BRF1: variants seen among roughly 807,000 people sequenced by gnomAD.
BRF1 encodes BRF1 general transcription factor IIIB subunit.
In BRF1, 59 loss-of-function variants were observed where a neutral mutation model predicts 81.7. That is an observed-to-expected ratio of 0.72 (90% CI 0.59 to 0.90). BRF1 has a LOEUF of 0.90. Among genes scored for constraint, BRF1 ranks in the 40% least tolerant of loss-of-function variants. The pLI, the probability that BRF1 is intolerant of heterozygous loss-of-function variation, is 0.00. For missense variants in BRF1, 1,050 were observed against 936.3 expected, an observed-to-expected ratio of 1.12 and a Z score of -1.58; for synonymous variants, 491 against 395.6, an observed-to-expected ratio of 1.24 and a Z score of -2.86.
At chr14:105,251,029 T>C in intron 5 of BRF1, 1 of 254,314 alleles carries the variant, frequency 3.9e-6, no homozygotes, top group African/African-American at 2.2e-5. Flanking sequence ...TCCCTTCAAA[T>C]CTAAAATTGG....
intron 1 of BRF1, among the ~76,000 whole-genome samples, chr14:105,307,458 C>T (rs2058223261): frequency 1.3e-5 from 2 of 152,328 alleles, no homozygotes; most frequent in Non-Finnish European, 1.5e-5. Context: ...TTCACCCCCT[C>T]CCTGTCCTGA....
At chr14:105,274,505 G>A (rs2056797074) in intron 2 of BRF1, among the ~76,000 whole-genome samples, 3 of 152,198 alleles carry the variant, frequency 2.0e-5, no homozygotes, top group Non-Finnish European at 4.4e-5. Context: ...GCAGACCGGA[G>A]GCCACTGCGC....
intron 2 of BRF1, among the ~76,000 whole-genome samples, chr14:105,274,620 C>T (rs2056802892): frequency 6.6e-6 from 1 of 152,264 alleles, no homozygotes; most frequent in African/African-American, 2.4e-5. Context: ...CACATGATGG[C>T]ATCAGGAGGG....
chr14:105,229,361 A>G (rs587672261), intron 6 of BRF1, among the ~76,000 whole-genome samples: 26 of 152,328 alleles, frequency 1.7e-4, no homozygotes, highest in African/African-American at 5.1e-4. Context: ...CATGGAGATC[A>G]TGTGTGCAGA....
At chr14:105,268,511 A>C (rs908653414) in intron 3 of BRF1, among the ~76,000 whole-genome samples, 2 of 152,228 alleles carry the variant, frequency 1.3e-5, no homozygotes, top group African/African-American at 4.8e-5. Flanking sequence ...AGCCCCCGGC[A>C]CTTTCGGGGT....
intron 14 of BRF1, 43 bp downstream of exon 14, chr14:105,218,955 G>A (rs780101044): frequency 4.3e-6 from 7 of 1,612,438 alleles, no homozygotes; most frequent in South Asian, 1.1e-5. Context: ...CCCGTAACCT[G>A]GACACCCCCA....
chr14:105,291,149 C>A lies in BRF1; in HGVS notation c.185-4773G>T, dbSNP rs78190594. The stretch of plus-strand genomic sequence containing the variant: ...TGTGGGGCCTGGCCAAGACTGCCCC[C>A]CTGTGTACAGCAAGGGAGGACCTGC... On this transcript the variant is annotated intron_variant, in intron 1 of 17. Transcript: ENST00000547530. 6.7e-3 allele frequency among the ~76,000 whole-genome samples: 1,023 copies of A among 152,220 alleles called. 16 individuals carry two copies. The highest frequency in any genetic ancestry group is 0.024 in the African/African-American group (978 of 41,522).
chr14:105,229,468 C>A (rs989759200), intron 6 of BRF1, among the ~76,000 whole-genome samples: 1 of 152,198 alleles, frequency 6.6e-6, no homozygotes, highest in Non-Finnish European at 1.5e-5. Context: ...AGGGTAAGGG[C>A]CCGGATGAGG....
rs373945136 is a variant in BRF1 at position 105,225,795 on chromosome 14, G to A, written c.1048+274C>T. 5.9e-5 allele frequency among the ~76,000 whole-genome samples: 9 copies of A among 152,164 alleles called. No individual in the cohort carries two copies. The East Asian group carries it at 1.4e-3, about 23-fold the overall frequency. ...CCCATGGAGCTGGGACTACAGGTGC[G>A]CACCACCACGCCCAGCTAATTTTTG... On this transcript the variant is annotated intron_variant, in intron 10 of 17. Transcript: ENST00000547530.
At chr14:105,219,889 GAGA>G in intron 12 of BRF1, 177 bp downstream of exon 12, 1 of 688,072 alleles carries the variant, frequency 1.5e-6, no homozygotes, top group Non-Finnish European at 2.4e-6. Context: ...GCCGACACTG[GAGA>G]AGAGAGTGTG....
Position 105,268,258 on chromosome 14 carries a change from C to T in BRF1, c.439+4463G>A, listed in dbSNP as rs587742167. On this transcript the variant is annotated intron_variant, in intron 3 of 17. Transcript: ENST00000547530. ...GCACACTGGCCACAAACTACCTGCTCGACAATGGCAGAGGTGCTCATTCCA... is the reference window on the plus strand; with the variant it reads ...GCACACTGGCCACAAACTACCTGCTTGACAATGGCAGAGGTGCTCATTCCA... Among the ~76,000 whole-genome samples the T allele has an allele frequency of 1.2e-4, 19 of 152,386 alleles. 1 individual carries two copies. In the East Asian group the frequency reaches 3.7e-3, roughly 29 times the overall value.
At chr14:105,252,725 C>T in intron 4 of BRF1, 146 bp from the exon 5 acceptor site, 2 of 817,896 alleles carry the variant, frequency 2.4e-6, no homozygotes, top group Non-Finnish European at 3.7e-6. Flanking sequence ...GCCTGGCTGG[C>T]CTCCCTTGGC....
chr14:105,264,549 C>T (rs587620069), intron 3 of BRF1, among the ~76,000 whole-genome samples: 1 of 151,818 alleles, frequency 6.6e-6, no homozygotes, highest in African/African-American at 2.4e-5. Flanking sequence ...TGCCTGTAGT[C>T]CCAGCTACTC....
intron 5 of BRF1, chr14:105,242,354 A>T (rs2054738068): frequency 6.6e-6 from 1 of 152,206 alleles, no homozygotes; most frequent in African/African-American, 2.4e-5. Context: ...TGGAGAAAAA[A>T]ATTAGATAAT....
At chr14:105,292,222 C>T (rs987737674) in intron 1 of BRF1, among the ~76,000 whole-genome samples, 6 of 152,022 alleles carry the variant, frequency 3.9e-5, no homozygotes, top group African/African-American at 1.5e-4. Flanking sequence ...TCGCTCCTGT[C>T]GCCCAGGCTG....
chr14:105,225,260 A>G (rs908714073), intron 10 of BRF1, among the ~76,000 whole-genome samples: 5 of 152,242 alleles, frequency 3.3e-5, no homozygotes, highest in Non-Finnish European at 5.9e-5. Flanking sequence ...GAAAATACAC[A>G]GTACAGAATA....
chr14:105,244,300 C>T (rs1316371974), intron 5 of BRF1, among the ~76,000 whole-genome samples: 9 of 151,962 alleles, frequency 5.9e-5, no homozygotes, highest in Non-Finnish European at 1.5e-5. Context: ...AAAATTTAGC[C>T]TAGTGTAGTG....
At chr14:105,248,934 G>A (rs2055361150) in intron 5 of BRF1, 8 of 984,710 alleles carry the variant, frequency 8.1e-6, no homozygotes, top group Non-Finnish European at 8.4e-6. Flanking sequence ...CAGCAACGCC[G>A]GCGCCGCCGT....
At chr14:105,245,895 G>A (rs1175516472) in intron 5 of BRF1, among the ~76,000 whole-genome samples, 1 of 152,078 alleles carries the variant, frequency 6.6e-6, no homozygotes. Context: ...CAACAGCAAG[G>A]GCAACGAAAG....
Sources: gnomAD v4.1 joint callset for allele counts (sites outside exome capture counted in the v4.1 genomes callset) on GRCh38, gnomAD v4.1.1 for gene constraint, MANE v1.5 for transcripts, NCBI Gene and HGNC (gene_info 2026-07-23, HGNC 2026-07-21) for gene names.